The following SKIC3 variants were observed in gnomAD, a reference collection of about 807,000 sequenced individuals.
The protein encoded by SKIC3 is SKI3 subunit of superkiller complex, also known as superkiller complex protein 3.
chr5:95,518,032 C>T, the SKIC3 span, among the ~76,000 whole-genome samples: 1 of 152,044 alleles, frequency 6.6e-6, no homozygotes, highest in Non-Finnish European at 1.5e-5. Context: ...CTGGACTTAT[C>T]AGCCTCCAGA....
At chr5:95,517,277 A>G in the SKIC3 span, 1 of 1,613,360 alleles carries the variant, frequency 6.2e-7, no homozygotes, top group South Asian at 1.1e-5. Context: ...AAGCATCCCC[A>G]GCTAGCTTCC....
chr5:95,481,283 T>C, the SKIC3 span, among the ~76,000 whole-genome samples: 4 of 152,134 alleles, frequency 2.6e-5, no homozygotes, highest in Admixed American at 6.6e-5. Context: ...TTTCCTGTGC[T>C]GTTCTCATGA....
chr5:95,512,356 A>G, the SKIC3 span: 1 of 1,201,820 alleles, frequency 8.3e-7, no homozygotes, highest in Non-Finnish European at 1.2e-6. Context: ...TTGCAAAAAG[A>G]AGGCAAATTC....
chr5:95,482,518 TA>T, the SKIC3 span: 1 of 1,613,936 alleles, frequency 6.2e-7, no homozygotes, highest in Non-Finnish European at 8.5e-7. Flanking sequence ...CTGTTTTTTG[TA>T]GTTCTTCAAG....
At chr5:95,536,698 T>C in the SKIC3 span, 39 of 840,860 alleles carry the variant, frequency 4.6e-5, no homozygotes, top group Non-Finnish European at 7.4e-5. Context: ...TCTTTTTATG[T>C]CCAGAAACAC....
the SKIC3 span, chr5:95,516,458 G>T: frequency 1.9e-6 from 3 of 1,612,082 alleles, no homozygotes; most frequent in Admixed American, 5.0e-5. Flanking sequence ...TTGTCTAGTT[G>T]AAAGTCTCAG....
the SKIC3 span, among the ~76,000 whole-genome samples, chr5:95,530,737 T>C: frequency 6.6e-6 from 1 of 152,200 alleles, no homozygotes; most frequent in African/African-American, 2.4e-5. Flanking sequence ...AATTTACCAG[T>C]ACATTTCCAC....
the SKIC3 span, chr5:95,494,626 A>C: frequency 6.4e-7 from 1 of 1,554,448 alleles, no homozygotes; most frequent in Non-Finnish European, 8.9e-7. Flanking sequence ...CCACTTACAA[A>C]ATATGTATTT....
At chr5:95,548,505 A>C in the SKIC3 span, 1 of 152,072 alleles carries the variant, frequency 6.6e-6, no homozygotes, top group Non-Finnish European at 1.5e-5. Flanking sequence ...TAGTTACAAT[A>C]ATTATATAAT....
At chr5:95,507,014 T>A in the SKIC3 span, 13 of 1,294,036 alleles carry the variant, frequency 1.0e-5, no homozygotes, top group African/African-American at 1.7e-4. Context: ...AAATTGCCCT[T>A]AAAAAAAAAA....
the SKIC3 span, chr5:95,525,428 G>A: frequency 3.1e-6 from 5 of 1,613,810 alleles, no homozygotes; most frequent in Non-Finnish European, 4.2e-6. Context: ...GTCCTTTTTG[G>A]TGAAATGAAT....
the SKIC3 span, among the ~76,000 whole-genome samples, chr5:95,496,060 C>G: frequency 6.6e-6 from 1 of 151,612 alleles, no homozygotes; most frequent in South Asian, 2.1e-4. Flanking sequence ...CCCTGTCACC[C>G]AGGATGGAGT....
chr5:95,551,027 C>T, the SKIC3 span, among the ~76,000 whole-genome samples: 1 of 152,042 alleles, frequency 6.6e-6, no homozygotes, highest in African/African-American at 2.4e-5. Flanking sequence ...CATCTACAGA[C>T]AACTAAGGGT....
At chr5:95,513,523 A>G in the SKIC3 span, 43 of 1,581,514 alleles carry the variant, frequency 2.7e-5, no homozygotes, top group Non-Finnish European at 3.6e-5. Context: ...AACAAGGATA[A>G]CACTTTTCTC....
chr5:95,468,900 A>G, the SKIC3 span, among the ~76,000 whole-genome samples: 1 of 152,222 alleles, frequency 6.6e-6, no homozygotes, highest in Non-Finnish European at 1.5e-5. Context: ...AGTTTAAATT[A>G]TAGCCTAAAA....
the SKIC3 span, among the ~76,000 whole-genome samples, chr5:95,501,694 A>T: frequency 1.3e-5 from 2 of 152,048 alleles, no homozygotes; most frequent in Non-Finnish European, 2.9e-5. Context: ...AAAAAAAGAA[A>T]AAAAAGATTG....
the SKIC3 span, among the ~76,000 whole-genome samples, chr5:95,539,374 A>G: frequency 6.6e-6 from 1 of 152,226 alleles, no homozygotes; most frequent in East Asian, 1.9e-4. Context: ...TGATCAGGGA[A>G]ATGCAAATCA....
the SKIC3 span, chr5:95,547,144 T>G: frequency 2.5e-6 from 4 of 1,612,926 alleles, no homozygotes; most frequent in Non-Finnish European, 3.4e-6. Flanking sequence ...ACTTCCTTGC[T>G]GGACATTCTG....
chr5:95,472,986 C>T, the SKIC3 span, among the ~76,000 whole-genome samples: 1 of 151,968 alleles, frequency 6.6e-6, no homozygotes, highest in African/African-American at 2.4e-5. Context: ...TGTATATGTA[C>T]CACATTTTCT....
Sources: gnomAD v4.1 joint callset for allele counts (sites outside exome capture counted in the v4.1 genomes callset) on GRCh38, gnomAD v4.1.1 for gene constraint, MANE v1.5 for transcripts, NCBI Gene and HGNC (gene_info 2026-07-23, HGNC 2026-07-21) for gene names.